Variants in ZNF443 observed in about 807,000 individuals in gnomAD.
ZNF443 encodes Kruppel-type zinc finger (C2H2).
Under a neutral mutation model 12.0 loss-of-function variants are expected in ZNF443, and 3 were observed. The observed-to-expected ratio is 0.25, with a 90% CI of 0.11 to 0.64. ZNF443 has a LOEUF of 0.64. Among genes scored for constraint, ZNF443 ranks in the 30% least tolerant of loss-of-function variants. The pLI is 0.84. For missense variants in ZNF443, 770 were observed against 808.8 expected (o/e 0.95, Z 0.58); for synonymous variants, 225 against 265.9 (o/e 0.85, Z 1.50).
intron 1 of ZNF443, 38 bp downstream of exon 1, chr19:12,440,874 C>T (rs781126160): frequency 6.2e-7 from 1 of 1,613,924 alleles, no homozygotes; most frequent in South Asian, 1.1e-5. Flanking sequence ...TCCACCTAAC[C>T]CCTCCCCCGC....
rs1283013196 is a variant in ZNF443 at position 12,431,293 on chromosome 19, G to A, written c.879C>T (p.Ser293=). 3.7e-6 allele frequency: 6 copies of A among 1,614,110 alleles called. No homozygotes were observed. The South Asian group carries it at 4.4e-5, about 12-fold the overall frequency. Residue 293 remains serine, a synonymous_variant, in exon 4 of 4, where the codon TCC becomes TCT. Transcript: ENST00000301547. ...CKQCSKAFPD[S]SSCLIHERTH... ...TTCTTTCATGTATTAGACAAGAACT[G>A]GAATCAGGGAAGGCTTTAGAACACT...
rs758116218 is a variant in ZNF443 at position 12,431,451 on chromosome 19, G to T, written c.721C>A (p.Leu241Ile). ...SKAFSFYSSY[L>I]RHERTHTGEK... is the part of the protein sequence containing the mutation. ...CCAGTATGTGTTCTTTCATGTCTTA[G>T]ATAGGAACTGTAAAAAGAAAAGGCT... The change falls in exon 4 of 4, where the codon CTA becomes ATA. Residue 241 changes from leucine (L) to isoleucine (I), a missense_variant. Coordinates refer to ENST00000301547, the MANE Select transcript of ZNF443 (RefSeq NM_005815.5). 1.9e-6 allele frequency: 3 copies of T among 1,614,004 alleles called. No homozygotes were observed. The highest frequency in any genetic ancestry group is 2.2e-5 in the East Asian group (1 of 44,876).
In ZNF443 at chr19:12,431,530, C is replaced by T; in HGVS notation, c.642G>A (p.Met214Ile). ...TCTCTCCAGTGTGCGTTCTTTCATG[C>T]ATATGTAATAAACTGGGCCAAAAAA... The part of the protein sequence containing the change: ...KAFFWPSLLH[M>I]HERTHTGEKP... The change falls in exon 4 of 4, where the codon ATG becomes ATA. Residue 214 changes from methionine (M) to isoleucine (I), a missense_variant. Transcript: ENST00000301547. The T allele has an allele frequency of 3.1e-6, 5 of 1,614,116 alleles. No homozygotes were observed. Among genetic ancestry groups the T allele is most frequent in the Non-Finnish European group, 4.2e-6 (5 of 1,179,996 alleles).
chr19:12,440,251 G>A (rs59312064), intron 1 of ZNF443, among the ~76,000 whole-genome samples: 103,920 of 142,402 alleles, frequency 0.73, 38,634 homozygotes, highest in Non-Finnish European at 0.79. Flanking sequence ...TGCCTCAAGG[G>A]GCCGCCTCCC....
chr19:12,438,915 C>G (rs118094587), intron 1 of ZNF443, among the ~76,000 whole-genome samples: 3,088 of 152,204 alleles, frequency 0.02, 46 homozygotes, highest in Middle Eastern at 0.034. Context: ...ATGTATTTCA[C>G]GGTTAATCAA....
At chr19:12,436,750 T>TACACAC (rs59579956) in intron 1 of ZNF443, among the ~76,000 whole-genome samples, 2 of 118,932 alleles carry the variant, frequency 1.7e-5, no homozygotes, top group Non-Finnish European at 3.5e-5. Context: ...ATTCAGATCA[T>TACACAC]ACACACACAC....
rs576295004 is a variant in ZNF443, at chr19:12,434,507, T to C, written c.4-1310A>G. On this transcript the variant is annotated intron_variant, in intron 1 of 3. Transcript: ENST00000301547. ...AGAAAGAACTCAATGTCATCTCTCA[T>C]GAATATTTATAATACTTCCTAAATA... 4.1e-4 allele frequency among the ~76,000 whole-genome samples: 63 copies of C among 152,322 alleles called. No homozygotes were observed. The South Asian group carries it at 5.4e-3, about 13-fold the overall frequency.
intron 1 of ZNF443, among the ~76,000 whole-genome samples, chr19:12,440,496 C>A (rs1001589343): frequency 6.6e-6 from 1 of 152,180 alleles, no homozygotes; most frequent in African/African-American, 2.4e-5. Context: ...GACGCTACAC[C>A]CAGCCGCCCC....
rs533849670 is a variant in ZNF443 at position 12,436,787 on chromosome 19, A to G, written c.4-3590T>C. Among the ~76,000 whole-genome samples, 4 of 151,908 alleles carry G rather than the reference A, an allele frequency of 2.6e-5. No homozygotes were observed. The South Asian group carries it at 8.3e-4, about 32-fold the overall frequency. On this transcript the variant is annotated intron_variant, in intron 1 of 3. Transcript: ENST00000301547. ...CACACACACACACACACACACAAATATACACATATGCATATATATGAAGAG... is the reference window on the plus strand; with the variant it reads ...CACACACACACACACACACACAAATGTACACATATGCATATATATGAAGAG...
At position 12,429,910 on chromosome 19, in the gene ZNF443, G is replaced by A. The variant is rs919499418; in HGVS notation, c.*246C>T. On this transcript the variant is annotated 3_prime_UTR_variant, in exon 4 of 4. Transcript: ENST00000301547. ...TAGACATAATTGAGACTATACAAGA[G>A]GATGTGGGTAAGTTACATACAAACA... The A allele has an allele frequency of 9.6e-6, 6 of 627,970 alleles. No homozygotes were observed. Among genetic ancestry groups the A allele is most frequent in the African/African-American group, 7.4e-5 (4 of 54,196 alleles). 38.9% of individuals were successfully genotyped at this position (627,970 alleles called of 1,614,324 possible). A position where few individuals can be genotyped will look rare whatever the true frequency, so the allele number is the denominator to read the frequency against.
chr19:12,436,219 A>G (rs2910430), intron 1 of ZNF443, among the ~76,000 whole-genome samples: 83,985 of 118,778 alleles, frequency 0.71, 33,009 homozygotes, highest in Non-Finnish European at 0.78. Context: ...GGTGGCTCAC[A>G]CCTATAATCC....
rs573843010 is a variant in ZNF443 at position 12,431,103 on chromosome 19, T to A, written c.1069A>T (p.Ile357Leu). ...HHLGSFQRHM[I>L]RHTGNGPHKC... ...TGAGGTCCATTTCCAGTGTGCCTTA[T>A]CATGTGTCTTTGAAAGCTTCCCAGA... is the stretch of plus-strand genomic sequence containing the variant. The change falls in exon 4 of 4, where the codon ATA (isoleucine) becomes TTA (leucine). Residue 357 changes from isoleucine (I) to leucine (L), a missense_variant. By Grantham distance (5) the Ile-to-Leu change is conservative. Coordinates refer to ENST00000301547, the MANE Select transcript of ZNF443 (RefSeq NM_005815.5). 5.0e-6 allele frequency: 8 copies of A among 1,614,002 alleles called. No homozygotes were observed. The East Asian group carries it at 1.6e-4, about 31-fold the overall frequency.
chr19:12,437,455 T>A (rs1297531786), intron 1 of ZNF443, among the ~76,000 whole-genome samples: 1 of 149,534 alleles, frequency 6.7e-6, no homozygotes, highest in Non-Finnish European at 1.5e-5. Flanking sequence ...AGACTTACTA[T>A]ACTATTAGAA....
chr19:12,440,170 T>A (rs890376473), intron 1 of ZNF443, among the ~76,000 whole-genome samples: 1 of 150,848 alleles, frequency 6.6e-6, no homozygotes, highest in Admixed American at 6.6e-5. Flanking sequence ...CCTCACCGGG[T>A]TCACAGGAAC....
intron 1 of ZNF443, among the ~76,000 whole-genome samples, chr19:12,435,687 C>T (rs889255239): frequency 3.3e-5 from 5 of 151,904 alleles, no homozygotes; most frequent in Non-Finnish European, 7.4e-5. Context: ...TCCACAAAGA[C>T]TGGAAGAGGT....
Position 12,431,261 on chromosome 19 carries a change from G to T in ZNF443, c.911C>A (p.Thr304Asn). Residue 304 changes from threonine to asparagine, a missense_variant, in exon 4 of 4, where the codon ACT becomes AAT. By Grantham distance (65) the Thr-to-Asn change is moderately conservative. Coordinates refer to ENST00000301547, the MANE Select transcript of ZNF443 (RefSeq NM_005815.5). ...SSCLIHERTH[T>N]GEKPYTCKQC... ...TTTACATGTATAGGGTTTCTCTCCA[G>T]TGTGAGTTCTTTCATGTATTAGACA... is the stretch of plus-strand genomic sequence containing the variant. The T allele has an allele frequency of 6.2e-7, 1 of 1,614,130 alleles. No homozygotes were observed. The highest frequency in any genetic ancestry group is 8.5e-7 in the Non-Finnish European group (1 of 1,179,984).
In ZNF443 at chr19:12,430,395, A is replaced by T; in HGVS notation, c.1777T>A (p.Cys593Ser). The T allele has an allele frequency of 6.4e-7, 1 of 1,573,508 alleles. No individual in the cohort carries two copies. The highest frequency in any genetic ancestry group is 1.4e-5 in the African/African-American group (1 of 73,082). ...CGGGAATGAGTGAAGGCTTTACCAC[A>T]TTGTGGACATTCATAGGATTTCTCT... ...MREKSYECPQ[C>S]GKAFTHSRFL... Residue 593 changes from cysteine to serine, a missense_variant, in exon 4 of 4, where the codon TGT becomes AGT. Cys to Ser is a moderately radical substitution (Grantham distance 112). Around this residue, in one of 3 missense-constraint regions of ZNF443, gnomAD observed 736 missense variants for 689.4 expected, o/e 1.07. Transcript: ENST00000301547.
In ZNF443 at chr19:12,440,926, C is replaced by G. The variant is rs1489564181; in HGVS notation, c.-12G>C. On this transcript the variant is annotated 5_prime_UTR_variant, in exon 1 of 4. Transcript: ENST00000301547. The stretch of plus-strand genomic sequence containing the variant: ...AGCACACGCACCATTTCCCGACTTC[C>G]GCGGTGTCCCAGGTCCTACCGACAG... The G allele has an allele frequency of 2.4e-5, 39 of 1,614,120 alleles. No individual in the cohort carries two copies. Among genetic ancestry groups the G allele is most frequent in the Non-Finnish European group, 2.9e-5 (34 of 1,179,988 alleles).
Position 12,431,245 on chromosome 19 carries a change from A to G in ZNF443, c.927T>C (p.Tyr309=), listed in dbSNP as rs1450269034. 8 of 1,614,028 alleles carry G rather than the reference A, an allele frequency of 5.0e-6. No individual in the cohort carries two copies. Among genetic ancestry groups the G allele is most frequent in the Non-Finnish European group, 6.8e-6 (8 of 1,179,988 alleles). The change falls in exon 4 of 4, where the codon TAT becomes TAC. Residue 309 remains tyrosine (Y), a synonymous_variant. Coordinates refer to ENST00000301547, the MANE Select transcript of ZNF443 (RefSeq NM_005815.5). ...AGGCTTTCCCACATTGTTTACATGT[A>G]TAGGGTTTCTCTCCAGTGTGAGTTC... ...HERTHTGEKP[Y]TCKQCGKAFS... is the part of the protein sequence containing the mutation.
Sources: gnomAD v4.1 joint callset for allele counts (sites outside exome capture counted in the v4.1 genomes callset) on GRCh38, gnomAD v4.1.1 for gene constraint, gnomAD v4.1.1 regional missense constraint, MANE v1.5 for transcripts, NCBI Gene and HGNC (gene_info 2026-07-23, HGNC 2026-07-21) for gene names.